Variants in GDPGP1 observed in about 807,000 individuals in gnomAD.
GDPGP1 encodes the protein GDP-D-glucose phosphorylase C15orf58.
GDPGP1 carries 18 observed loss-of-function variants against 19.2 expected under a neutral mutation model. The ratio of observed to expected loss-of-function variants is 0.94; its 90% CI spans 0.65 to 1.39. The LOEUF is 1.39. GDPGP1 is among the 40% of genes most tolerant of loss of function. The pLI is 0.00. For synonymous variants in GDPGP1, 219 were observed against 208.9 expected (o/e 1.05, Z -0.42); for missense variants, 449 against 490.5 (o/e 0.92, Z 0.80).
At chr15:90,240,236 A>T (rs549218079) in intron 3 of GDPGP1, among the ~76,000 whole-genome samples, 1 of 150,892 alleles carries the variant, frequency 6.6e-6, no homozygotes, top group South Asian at 2.1e-4. Flanking sequence ...GGCCAGGTGC[A>T]GTGGCTCAGG....
chr15:90,239,294 T>G (rs1962699869), intron 3 of GDPGP1, among the ~76,000 whole-genome samples: 1 of 143,308 alleles, frequency 7.0e-6, no homozygotes, highest in Non-Finnish European at 1.5e-5. Context: ...TTGATCTATA[T>G]GAGACATAAA....
intron 2 of GDPGP1, among the ~76,000 whole-genome samples, chr15:90,234,813 G>A (rs1337145324): frequency 6.6e-6 from 1 of 152,084 alleles, no homozygotes; most frequent in African/African-American, 2.4e-5. Flanking sequence ...TAACCTCTAG[G>A]ATAATGTTTG....
In GDPGP1 at chr15:90,241,617, C is replaced by T; in HGVS notation, c.709C>T (p.Pro237Ser). ...RLPVEQAPSE[P>S]LDPGGHLHLL... ...GCCCGTGGAGCAGGCGCCAAGCGAGCCCCTGGACCCTGGAGGCCATTTGCA... is the reference window on the plus strand; with the variant it reads ...GCCCGTGGAGCAGGCGCCAAGCGAGTCCCTGGACCCTGGAGGCCATTTGCA... Residue 237 changes from proline to serine, a missense_variant, in exon 4 of 4, where the codon CCC (proline) becomes TCC (serine). Coordinates refer to ENST00000329600, the MANE Select transcript of GDPGP1 (RefSeq NM_001013657.3). 2 of 1,614,050 alleles carry T rather than the reference C, an allele frequency of 1.2e-6. No homozygotes were observed. Among genetic ancestry groups the T allele is most frequent in the Non-Finnish European group, 1.7e-6 (2 of 1,180,038 alleles).
rs138354057 is a variant in GDPGP1 at position 90,236,611 on chromosome 15, G to A, written c.-66-1881G>A. 5.8e-3 allele frequency among the ~76,000 whole-genome samples: 885 copies of A among 152,154 alleles called. 7 individuals are homozygous for A. Among genetic ancestry groups the A allele is most frequent in the Admixed American group, 0.01 (155 of 15,284 alleles). Reference sequence around the variant, plus strand: ...TACAGTGGTATGATCTTGGCTTACTGCAACCTCTGCCTCCCAGGTTCACCT... The same window carrying A: ...TACAGTGGTATGATCTTGGCTTACTACAACCTCTGCCTCCCAGGTTCACCT... On this transcript the variant is annotated intron_variant, in intron 2 of 3. Transcript: ENST00000329600.
Position 90,244,070 on chromosome 15 carries a change from C to T in GDPGP1, c.*2004C>T, listed in dbSNP as rs7173822. 1 of 151,986 alleles carries T rather than the reference C, an allele frequency of 6.6e-6. No individual in the cohort carries two copies. Among genetic ancestry groups the T allele is most frequent in the Non-Finnish European group, 1.5e-5 (1 of 68,048 alleles). The allele number at this position is 151,986 out of a possible 1,614,324, so 9.4% of individuals were successfully genotyped here. ...CAATTCAGCCTGAGTCTTCTTAATA[C>T]CCCCATTCAAAACGGGATGGAGACT... On this transcript the variant is annotated 3_prime_UTR_variant, in exon 4 of 4. Coordinates refer to ENST00000329600, the MANE Select transcript of GDPGP1 (RefSeq NM_001013657.3).
rs1451725653 is a variant in GDPGP1 at position 90,242,006 on chromosome 15, A to T, written c.1098A>T (p.Pro366=). ...VALIQDCRLP[P]SQAEDVQAAL... Reference sequence around the variant, plus strand: ...TCATTCAGGACTGTCGGCTGCCCCCATCCCAGGCAGAAGACGTACAGGCAG... The same window carrying T: ...TCATTCAGGACTGTCGGCTGCCCCCTTCCCAGGCAGAAGACGTACAGGCAG... Residue 366 remains proline, a synonymous_variant, in exon 4 of 4, where the codon CCA becomes CCT. Coordinates refer to ENST00000329600, the MANE Select transcript of GDPGP1 (RefSeq NM_001013657.3). The T allele has an allele frequency of 6.2e-7, 1 of 1,614,054 alleles. No individual in the cohort carries two copies. The highest frequency in any genetic ancestry group is 1.7e-5 in the Admixed American group (1 of 59,982).
intron 3 of GDPGP1, among the ~76,000 whole-genome samples, chr15:90,240,622 G>A (rs554872260): frequency 6.6e-6 from 1 of 152,240 alleles, no homozygotes; most frequent in East Asian, 1.9e-4. Flanking sequence ...AGACCAGCCT[G>A]GCCAACATGG....
intron 3 of GDPGP1, 105 bp from the exon 4 acceptor site, chr15:90,240,793 GAC>G: frequency 1.4e-6 from 1 of 701,572 alleles, no homozygotes; most frequent in Non-Finnish European, 2.3e-6. Context: ...CAGCCTGGGT[GAC>G]AGAGTGAGAC....
chr15:90,239,238 TA>T (rs1202699303), intron 3 of GDPGP1, among the ~76,000 whole-genome samples: 26 of 151,788 alleles, frequency 1.7e-4, no homozygotes, highest in Admixed American at 1.2e-3. Flanking sequence ...GTTTCTCCAT[TA>T]AAAAAATTTA....
Position 90,241,291 on chromosome 15 carries a change from A to G in GDPGP1, c.383A>G (p.Lys128Arg). 1.2e-6 allele frequency: 2 copies of G among 1,614,180 alleles called. No homozygotes were observed. The highest frequency in any genetic ancestry group is 1.7e-6 in the Non-Finnish European group (2 of 1,180,026). Residue 128 changes from lysine to arginine, a missense_variant, in exon 4 of 4, where the codon AAG becomes AGG. Coordinates refer to ENST00000329600, the MANE Select transcript of GDPGP1 (RefSeq NM_001013657.3). ...GACCCTGTACAGTTCAACTTCAACA[A>G]GATCCGGCCCGGAGAAGTCCTCTTC... Reference protein sequence around the residue: ...AFDPVQFNFNKIRPGEVLFRL... With the variant: ...AFDPVQFNFNRIRPGEVLFRL...
At chr15:90,238,425 C>T (rs1163747620) in intron 2 of GDPGP1, 67 bp from the exon 3 acceptor site, 1 of 152,208 alleles carries the variant, frequency 6.6e-6, no homozygotes, top group African/African-American at 2.4e-5. Context: ...ACTCATTAAA[C>T]TTAGCTTGAC....
At chr15:90,239,013 A>C (rs1683604970) in intron 3 of GDPGP1, among the ~76,000 whole-genome samples, 1 of 152,186 alleles carries the variant, frequency 6.6e-6, no homozygotes, top group Admixed American at 6.5e-5. Context: ...ATTTTAAAGG[A>C]AAATAAAAAC....
intron 2 of GDPGP1, 62 bp from the exon 3 acceptor site, chr15:90,238,430 C>T (rs1186941293): frequency 1.3e-5 from 2 of 152,204 alleles, no homozygotes; most frequent in Admixed American, 1.3e-4. Flanking sequence ...TTAAACTTAG[C>T]TTGACTTTTG....
Position 90,241,877 on chromosome 15 carries a change from G to A in GDPGP1, c.969G>A (p.Lys323=). 6.2e-7 allele frequency: 1 copy of A among 1,614,144 alleles called. No individual in the cohort carries two copies. Among genetic ancestry groups the A allele is most frequent in the Middle Eastern group, 1.6e-4 (1 of 6,062 alleles). Reference sequence around the variant, plus strand: ...CCCGGAAGTCCAGCTTTGGGATAAAGGACGGTGAAGCTTTCAATGTTGCCC... The same window carrying A: ...CCCGGAAGTCCAGCTTTGGGATAAAAGACGGTGAAGCTTTCAATGTTGCCC... The part of the protein sequence containing the change: ...LWARKSSFGI[K]DGEAFNVALC... The change falls in exon 4 of 4, where the codon AAG becomes AAA. Residue 323 remains lysine, a synonymous_variant. Transcript: ENST00000329600.
chr15:90,244,290 C>T lies in GDPGP1; in HGVS notation c.*2224C>T, dbSNP rs1259878198. ...TCCCTCTTGGGGTCTTTCCCAAGCA[C>T]TTTAGAAGCTCCTCTTGATGTAGAC... On this transcript the variant is annotated 3_prime_UTR_variant, in exon 4 of 4. Coordinates refer to ENST00000329600, the MANE Select transcript of GDPGP1 (RefSeq NM_001013657.3). 2 of 152,196 alleles carry T rather than the reference C, an allele frequency of 1.3e-5. No homozygotes were observed. The highest frequency in any genetic ancestry group is 2.9e-5 in the Non-Finnish European group (2 of 68,050). The allele number at this position is 152,196 out of a possible 1,614,324, so 9.4% of individuals were successfully genotyped here.
rs1412077079 is a variant in GDPGP1 at position 90,241,392 on chromosome 15, C to T, written c.484C>T (p.Leu162=). ...DILVVINVSP[L]EWGHVLLVPE... Reference sequence around the variant, plus strand: ...CCTGGTGGTGATCAACGTCAGCCCCCTGGAGTGGGGCCACGTGCTGCTGGT... The same window carrying T: ...CCTGGTGGTGATCAACGTCAGCCCCTTGGAGTGGGGCCACGTGCTGCTGGT... The change falls in exon 4 of 4, where the codon CTG becomes TTG. Residue 162 remains leucine, a synonymous_variant. Coordinates refer to ENST00000329600, the MANE Select transcript of GDPGP1 (RefSeq NM_001013657.3). The T allele has an allele frequency of 3.1e-6, 5 of 1,613,976 alleles. No homozygotes were observed. The East Asian group carries it at 8.9e-5, about 29-fold the overall frequency.
rs1265022917 is a variant in GDPGP1, at chr15:90,241,490, G to C, written c.582G>C (p.Leu194=). 6.2e-7 allele frequency: 1 copy of C among 1,613,750 alleles called. No homozygotes were observed. The highest frequency in any genetic ancestry group is 1.1e-5 in the South Asian group (1 of 91,082). ...GALRAGIEAV[L]LSLHPGFRVG... ...TGAGGGCAGGGATTGAGGCTGTGCT[G>C]CTGAGCTTACACCCGGGCTTCCGTG... The change falls in exon 4 of 4, where the codon CTG becomes CTC. Residue 194 remains leucine (L), a synonymous_variant. Transcript: ENST00000329600.
chr15:90,239,328 T>TGA (rs1207024562), intron 3 of GDPGP1, among the ~76,000 whole-genome samples: 1 of 151,936 alleles, frequency 6.6e-6, no homozygotes, highest in South Asian at 2.1e-4. Flanking sequence ...TGTGTGTGTG[T>TGA]GTGTGTGTGT....
In GDPGP1 at chr15:90,241,355, G is replaced by T; in HGVS notation, c.447G>T (p.Leu149=). 1 of 1,614,196 alleles carries T rather than the reference G, an allele frequency of 6.2e-7. No homozygotes were observed. Reference sequence around the variant, plus strand: ...AGCCTGATCTCCCTGGGACTCTGCTGCAAGAAGACATCCTGGTGGTGATCA... The same window carrying T: ...AGCCTGATCTCCCTGGGACTCTGCTTCAAGAAGACATCCTGGTGGTGATCA... ...HREPDLPGTL[L]QEDILVVINV... Residue 149 remains leucine, a synonymous_variant, in exon 4 of 4, where the codon CTG becomes CTT. Coordinates refer to ENST00000329600, the MANE Select transcript of GDPGP1 (RefSeq NM_001013657.3).
Sources: gnomAD v4.1 joint callset for allele counts (sites outside exome capture counted in the v4.1 genomes callset) on GRCh38, gnomAD v4.1.1 for gene constraint, MANE v1.5 for transcripts, NCBI Gene and HGNC (gene_info 2026-07-23, HGNC 2026-07-21) for gene names.